Variants in ZNF641 observed in about 807,000 individuals in gnomAD.
ZNF641 encodes the protein zinc finger protein 641.
Under a neutral mutation model 46.2 loss-of-function variants are expected in ZNF641, and 26 were observed. That is an observed-to-expected ratio of 0.56 (90% confidence interval 0.41 to 0.78). ZNF641 has a LOEUF of 0.78. ZNF641 is among the 30% of genes least tolerant of loss of function. The pLI is 0.00. For synonymous variants in ZNF641, 163 were observed against 187.9 expected (o/e 0.87, Z 1.09); for missense variants, 469 against 517.8 (o/e 0.91, Z 0.91).
rs549560178 is a variant in ZNF641 at position 48,347,343 on chromosome 12, G to A, written c.185C>T (p.Ala62Val). ...TGCAGGAACCCAGGGAGCAGACTGA[G>A]CTGATAAGGAGAGAGAAGAAACATT... is the stretch of plus-strand genomic sequence containing the variant. ...EEEPQSLQEKAQSAPWVPAIP... is the reference protein window; with the variant it reads ...EEEPQSLQEKVQSAPWVPAIP... The change falls in exon 3 of 6, where the codon GCT (alanine) becomes GTT (valine). Residue 62 changes from alanine to valine, a missense_variant and splice_region_variant. By Grantham distance (64) the Ala-to-Val change is moderately conservative (BLOSUM62 0). Coordinates refer to ENST00000547026, the MANE Select transcript of ZNF641 (RefSeq NM_001172681.2). 6.2e-7 allele frequency: 1 copy of A among 1,610,482 alleles called. No individual in the cohort carries two copies. The highest frequency in any genetic ancestry group is 1.3e-5 in the African/African-American group (1 of 74,934).
In ZNF641 at chr12:48,339,422, G is replaced by A. The variant is rs1565984813; in HGVS notation, c.*3551C>T. On this transcript the variant is annotated 3_prime_UTR_variant, in exon 6 of 6. Coordinates refer to ENST00000547026, the MANE Select transcript of ZNF641 (RefSeq NM_001172681.2). Reference sequence around the variant, plus strand: ...TTTCTGATTCAGTAGTTCTCCTGGGGCGGGGGCTAAGAATTTGCATTTCAA... The same window carrying A: ...TTTCTGATTCAGTAGTTCTCCTGGGACGGGGGCTAAGAATTTGCATTTCAA... 1 of 152,168 alleles carries A rather than the reference G, an allele frequency of 6.6e-6. No individual in the cohort carries two copies. The highest frequency in any genetic ancestry group is 2.4e-5 in the African/African-American group (1 of 41,432). 9.4% of individuals were successfully genotyped at this position (152,168 alleles called of 1,614,324 possible).
chr12:48,340,509 C>T lies in ZNF641; in HGVS notation c.*2464G>A, dbSNP rs983264478. 40 of 971,672 alleles carry T rather than the reference C, an allele frequency of 4.1e-5. No homozygotes were observed. The African/African-American group carries it at 7.4e-4, about 18-fold the overall frequency. 60.2% of individuals were successfully genotyped at this position (971,672 alleles called of 1,614,324 possible). Reference sequence around the variant, plus strand: ...ACCCTTGTCGTAATTAAAGACCAGACTCCATCCTTATACCACTGATGCCTC... The same window carrying T: ...ACCCTTGTCGTAATTAAAGACCAGATTCCATCCTTATACCACTGATGCCTC... On this transcript the variant is annotated 3_prime_UTR_variant, in exon 6 of 6. Coordinates refer to ENST00000547026, the MANE Select transcript of ZNF641 (RefSeq NM_001172681.2).
At chr12:48,345,123 A>G (rs1952831510) in intron 4 of ZNF641, among the ~76,000 whole-genome samples, 1 of 149,352 alleles carries the variant, frequency 6.7e-6, no homozygotes, top group Non-Finnish European at 1.5e-5. Flanking sequence ...CTCAAGTTCT[A>G]CTCCACAATT....
chr12:48,344,746 T>A, intron 4 of ZNF641, 34 bp from the exon 5 acceptor site: 1 of 1,243,652 alleles, frequency 8.0e-7, no homozygotes, highest in Non-Finnish European at 1.2e-6. Flanking sequence ...AGCTGTCAAT[T>A]AGTTCAACAG....
In ZNF641 at chr12:48,340,091, C is replaced by T. The variant is rs1952684772; in HGVS notation, c.*2882G>A. The T allele has an allele frequency of 4.1e-6, 4 of 985,236 alleles. No individual in the cohort carries two copies. The African/African-American group carries it at 5.2e-5, about 13-fold the overall frequency. 61.0% of individuals were successfully genotyped at this position (985,236 alleles called of 1,614,324 possible). ...AAACATGAACATTTGAGGCTGATTCCCTGTGGGAAAAATCATTCAAATCTA... is the reference window on the plus strand; with the variant it reads ...AAACATGAACATTTGAGGCTGATTCTCTGTGGGAAAAATCATTCAAATCTA... On this transcript the variant is annotated 3_prime_UTR_variant, in exon 6 of 6. Transcript: ENST00000547026.
intron 3 of ZNF641, among the ~76,000 whole-genome samples, chr12:48,345,855 T>C (rs1592145800): frequency 6.6e-6 from 1 of 152,236 alleles, no homozygotes. Context: ...CTGCCTTTTC[T>C]ATCAGCACAA....
chr12:48,336,217 G>C (rs1952603364), downstream of ZNF641, among the ~76,000 whole-genome samples: 1 of 152,182 alleles, frequency 6.6e-6, no homozygotes, highest in Non-Finnish European at 1.5e-5. Flanking sequence ...CTCATATACA[G>C]TGTTGGTGGG....
chr12:48,336,795 T>TA (rs1350497653), downstream of ZNF641, among the ~76,000 whole-genome samples: 1 of 152,214 alleles, frequency 6.6e-6, no homozygotes, highest in Non-Finnish European at 1.5e-5. Flanking sequence ...CAACAGATCT[T>TA]CAAGAGCAGG....
chr12:48,345,278 C>G lies in ZNF641; in HGVS notation c.406+67G>C, dbSNP rs1475486508. The G allele has an allele frequency of 2.5e-6, 4 of 1,581,422 alleles. No individual in the cohort carries two copies. In the Admixed American group the frequency reaches 6.8e-5, roughly 27 times the overall value. The stretch of plus-strand genomic sequence containing the variant: ...GTCCTAGACAGACACTATCCAATAG[C>G]CCTGAAGCAGATGGCTCCGTCCTCC... On this transcript the variant is annotated intron_variant, in intron 4 of 5. Coordinates refer to ENST00000547026, the MANE Select transcript of ZNF641 (RefSeq NM_001172681.2).
At position 48,338,162 on chromosome 12, in the gene ZNF641, T is replaced by C. The variant is rs1952640490; in HGVS notation, c.*4811A>G. The C allele has an allele frequency of 6.6e-6, 1 of 151,902 alleles. No individual in the cohort carries two copies. Among genetic ancestry groups the C allele is most frequent in the African/African-American group, 2.4e-5 (1 of 41,276 alleles). 9.4% of individuals were successfully genotyped at this position (151,902 alleles called of 1,614,324 possible). A position where few individuals can be genotyped will look rare whatever the true frequency, so the allele number is the denominator to read the frequency against. On this transcript the variant is annotated 3_prime_UTR_variant, in exon 6 of 6. Transcript: ENST00000547026. ...AGCTGATAGAAAAGAAACTGGACAG[T>C]AGGCAGAGGAATAGGTAGTAAGTGG...
chr12:48,341,703 T>C lies in ZNF641; in HGVS notation c.*1270A>G, dbSNP rs1335599541. On this transcript the variant is annotated 3_prime_UTR_variant, in exon 6 of 6. Coordinates refer to ENST00000547026, the MANE Select transcript of ZNF641 (RefSeq NM_001172681.2). ...CACTTAAAACAAAATCCCCACTCAA[T>C]ACAAAGTTTCTATGTGCCTCTTGCC... is the stretch of plus-strand genomic sequence containing the variant. 1.0e-6 allele frequency: 1 copy of C among 985,320 alleles called. No homozygotes were observed. The highest frequency in any genetic ancestry group is 1.1e-4 in the East Asian group (1 of 8,830). The allele number at this position is 985,320 out of a possible 1,614,324, so 61.0% of individuals were successfully genotyped here.
Position 48,342,312 on chromosome 12 carries a change from G to A in ZNF641, c.*661C>T. On this transcript the variant is annotated 3_prime_UTR_variant, in exon 6 of 6. Coordinates refer to ENST00000547026, the MANE Select transcript of ZNF641 (RefSeq NM_001172681.2). ...ATATACTGCTGATTGGCATAAGGAA[G>A]ACAGACCCACACATGAACAAGGTCT... The A allele has an allele frequency of 2.0e-6, 2 of 985,732 alleles. No homozygotes were observed. Among genetic ancestry groups the A allele is most frequent in the Non-Finnish European group, 2.4e-6 (2 of 830,216 alleles). 61.1% of individuals were successfully genotyped at this position (985,732 alleles called of 1,614,324 possible).
Position 48,343,876 on chromosome 12 carries a change from C to CA in ZNF641, c.521-150dup, listed in dbSNP as rs1952790339. ...GAACATAGTCTAATGTCGTACAAGA[C>CA]AGTGCAATAGATATAGAGGTTAAAA... is the stretch of plus-strand genomic sequence containing the variant. On this transcript the variant is annotated intron_variant, in intron 5 of 5. Coordinates refer to ENST00000547026, the MANE Select transcript of ZNF641 (RefSeq NM_001172681.2). 7 of 694,000 alleles carry CA rather than the reference C, an allele frequency of 1.0e-5. No homozygotes were observed. The South Asian group carries it at 2.2e-4, about 21-fold the overall frequency. 43.0% of individuals were successfully genotyped at this position (694,000 alleles called of 1,614,324 possible). A position where few individuals can be genotyped will look rare whatever the true frequency, so the allele number is the denominator to read the frequency against.
chr12:48,348,179 T>G, intron 1 of ZNF641, 64 bp from the exon 2 acceptor site: 1 of 1,554,154 alleles, frequency 6.4e-7, no homozygotes, highest in Non-Finnish European at 8.8e-7. Flanking sequence ...TCTAAGGGAG[T>G]TATGAAGAAC....
Position 48,347,909 on chromosome 12 carries a change from T to C in ZNF641, c.182A>G (p.Lys61Arg), listed in dbSNP as rs770260014. ...CCACACACTCTGTGAGTTCTCACCC[T>C]TCTCCTGAAGGGACTGTGGCTCCTC... is the stretch of plus-strand genomic sequence containing the variant. ...LEEEPQSLQE[K>R]AQSAPWVPAI... Residue 61 changes from lysine (K) to arginine (R), a missense_variant and splice_region_variant, in exon 2 of 6, where the codon AAG (lysine) becomes AGG (arginine). Lys to Arg is a conservative substitution (Grantham distance 26). This residue lies in a region of ZNF641 where 98 missense variants were observed against 105.7 expected (regional missense o/e 0.93). Coordinates refer to ENST00000547026, the MANE Select transcript of ZNF641 (RefSeq NM_001172681.2). 1 of 1,614,108 alleles carries C rather than the reference T, an allele frequency of 6.2e-7. No individual in the cohort carries two copies. Among genetic ancestry groups the C allele is most frequent in the Non-Finnish European group, 8.5e-7 (1 of 1,179,950 alleles).
rs1952628552 is a variant in ZNF641, at chr12:48,337,670, A to G, written c.*5303T>C. On this transcript the variant is annotated 3_prime_UTR_variant, in exon 6 of 6. Coordinates refer to ENST00000547026, the MANE Select transcript of ZNF641 (RefSeq NM_001172681.2). ...CCCGTCTCTACTAAAAAAAATACAA[A>G]AAAAAAAAAAAAAATAGGCGTGGTG... The G allele has an allele frequency of 1.1e-5, 1 of 88,874 alleles. No homozygotes were observed. The allele number at this position is 88,874 out of a possible 1,614,324, so 5.5% of individuals were successfully genotyped here.
chr12:48,343,536 G>A lies in ZNF641; in HGVS notation c.712C>T (p.Leu238=), dbSNP rs779613775. ...AGGGAATCCATCTCTGTGCTACACA[G>A]CAGGTTTGAGAAACTATCTTCCTGA... is the stretch of plus-strand genomic sequence containing the variant. ...FLQEDSFSNL[L]CSTEMDSLLR... The change falls in exon 6 of 6, where the codon CTG becomes TTG. Residue 238 remains leucine, a synonymous_variant. Transcript: ENST00000547026. 9.3e-6 allele frequency: 15 copies of A among 1,607,936 alleles called. No homozygotes were observed. Among genetic ancestry groups the A allele is most frequent in the South Asian group, 3.3e-5 (3 of 90,734 alleles).
In ZNF641 at chr12:48,343,595, C is replaced by T. The variant is rs1312540570; in HGVS notation, c.653G>A (p.Ser218Asn). The T allele has an allele frequency of 6.2e-7, 1 of 1,605,764 alleles. No individual in the cohort carries two copies. The highest frequency in any genetic ancestry group is 1.3e-5 in the African/African-American group (1 of 74,724). Residue 218 changes from serine (S) to asparagine (N), a missense_variant, in exon 6 of 6, where the codon AGC becomes AAC. Ser to Asn is a conservative substitution (Grantham distance 46). Around this residue, in one of 3 missense-constraint regions of ZNF641, gnomAD observed 346 missense variants for 354.0 expected, o/e 0.98. Transcript: ENST00000547026. ...GGGCCCCAGGAGCATTCCTCTGGAG[C>T]TGCTGGGCATGGAATCCCAGCTCTC... Reference protein sequence around the residue: ...HDESWDSMPSSSRGMLLGPPF... With the variant: ...HDESWDSMPSNSRGMLLGPPF...
At chr12:48,348,734 T>C (rs1952950225) in intron 1 of ZNF641, among the ~76,000 whole-genome samples, 1 of 152,238 alleles carries the variant, frequency 6.6e-6, no homozygotes, top group African/African-American at 2.4e-5. Context: ...GTAGAAAAAC[T>C]GATAACTTGG....
Sources: gnomAD v4.1 joint callset for allele counts (sites outside exome capture counted in the v4.1 genomes callset) on GRCh38, gnomAD v4.1.1 for gene constraint, gnomAD v4.1.1 regional missense constraint, MANE v1.5 for transcripts, NCBI Gene and HGNC (gene_info 2026-07-23, HGNC 2026-07-21) for gene names.